The following PRDM10 variants were observed in gnomAD, a reference collection of about 807,000 sequenced individuals.
PRDM10 encodes PR/SET domain 10, also known as PR domain zinc finger protein 10.
PRDM10 carries 65 observed loss-of-function variants against 133.1 expected under a neutral mutation model. That is an observed-to-expected ratio of 0.49 (90% confidence interval 0.40 to 0.60). The LOEUF is 0.60. Among genes scored for constraint, PRDM10 ranks in the 20% least tolerant of loss-of-function variants. The pLI is 0.00. For missense variants in PRDM10, 1,137 were observed against 1,507.1 expected (o/e 0.75, Z 4.07); for synonymous variants, 582 against 580.4 (o/e 1.00, Z -0.04).
chr11:129,927,882 C>G (rs1023931943), intron 11 of PRDM10, among the ~76,000 whole-genome samples: 6 of 151,924 alleles, frequency 3.9e-5, no homozygotes, highest in African/African-American at 1.5e-4. Context: ...TAGAAGAAAT[C>G]ATGACAAATG....
chr11:129,908,414 G>A (rs996438759), intron 19 of PRDM10, among the ~76,000 whole-genome samples: 17 of 100 alleles, frequency 0.17, no homozygotes, highest in African/African-American at 0.36. Context: ...AAAGCTGCAG[G>A]AGCCACGATC....
At chr11:129,922,005 C>T (rs1950535659) in intron 13 of PRDM10, among the ~76,000 whole-genome samples, 1 of 152,174 alleles carries the variant, frequency 6.6e-6, no homozygotes, top group Non-Finnish European at 1.5e-5. Context: ...ATTTGACCAC[C>T]CAGACCAGTA....
chr11:129,970,469 T>A (rs1951995359), intron 1 of PRDM10, among the ~76,000 whole-genome samples: 1 of 151,740 alleles, frequency 6.6e-6, no homozygotes, highest in Non-Finnish European at 1.5e-5. Context: ...TCCCACAAAC[T>A]AAGAACACTG....
At chr11:129,922,074 C>A (rs117883711) in intron 13 of PRDM10, among the ~76,000 whole-genome samples, 2,387 of 152,302 alleles carry the variant, frequency 0.016, 36 homozygotes, top group Non-Finnish European at 0.024. Context: ...ACCCTCACTT[C>A]TCCATCTTCT....
intron 1 of PRDM10, among the ~76,000 whole-genome samples, chr11:129,994,069 T>G (rs1475858840): frequency 4.6e-5 from 7 of 152,194 alleles, no homozygotes; most frequent in African/African-American, 7.2e-5. Context: ...ATATCTGTTA[T>G]AGTTTATAAC....
Position 129,910,745 on chromosome 11 carries a change from C to T in PRDM10, c.2983-89G>A. On this transcript the variant is annotated intron_variant, in intron 18 of 20. Coordinates refer to ENST00000360871, the MANE Select transcript of PRDM10 (RefSeq NM_199437.2). ...ATAACTGAAGGAAGTACACCAGACT[C>T]ATATGAATTATAATACTGAAACTAT... The T allele has an allele frequency of 3.4e-6, 4 of 1,161,206 alleles. No individual in the cohort carries two copies. The South Asian group carries it at 5.3e-5, about 15-fold the overall frequency. The allele number at this position is 1,161,206 out of a possible 1,614,324, so 71.9% of individuals were successfully genotyped here.
intron 1 of PRDM10, among the ~76,000 whole-genome samples, chr11:129,993,592 C>T (rs1052305354): frequency 6.6e-6 from 1 of 152,152 alleles, no homozygotes; most frequent in Admixed American, 6.5e-5. Flanking sequence ...TCACACCATT[C>T]TCCTGCCTCA....
chr11:129,942,056 C>T (rs186070243), intron 7 of PRDM10, among the ~76,000 whole-genome samples: 4 of 152,232 alleles, frequency 2.6e-5, no homozygotes, highest in Non-Finnish European at 4.4e-5. Flanking sequence ...CCACCATGCT[C>T]GGCTAATTTT....
intron 8 of PRDM10, among the ~76,000 whole-genome samples, chr11:129,936,457 T>C (rs1951032975): frequency 6.6e-6 from 1 of 151,958 alleles, no homozygotes; most frequent in South Asian, 2.1e-4. Context: ...ATCGAGACCA[T>C]CCTGGCTAAC....
chr11:129,944,706 ACAAC>A, intron 6 of PRDM10, 61 bp downstream of exon 6: 1 of 1,571,118 alleles, frequency 6.4e-7, no homozygotes, highest in South Asian at 1.1e-5. Context: ...GACTGAGTAG[ACAAC>A]GCAGTGCTCC....
chr11:129,935,242 TA>T, intron 8 of PRDM10, 24 bp from the exon 9 acceptor site: 1 of 1,572,260 alleles, frequency 6.4e-7, no homozygotes, highest in Non-Finnish European at 8.8e-7. Context: ...AGAGAAATCA[TA>T]AAGGCTGATG....
chr11:129,949,314 C>A (rs1161754982), intron 4 of PRDM10, among the ~76,000 whole-genome samples: 2 of 152,110 alleles, frequency 1.3e-5, no homozygotes, highest in African/African-American at 2.4e-5. Context: ...GTAATACATG[C>A]CTCAGGTTGT....
In PRDM10 at chr11:129,985,780, C is replaced by CAAA. The variant is rs1159728991; in HGVS notation, c.-119+16939_-119+16941dup. Among the ~76,000 whole-genome samples the CAAA allele has an allele frequency of 9.3e-4, 25 of 26,746 alleles. 1 individual carries two copies. Among genetic ancestry groups the CAAA allele is most frequent in the African/African-American group, 1.3e-3 (14 of 10,758 alleles). 17.5% of individuals were successfully genotyped at this position (26,746 alleles called of 152,430 possible). A position where few individuals can be genotyped will look rare whatever the true frequency, so the allele number is the denominator to read the frequency against. On this transcript the variant is annotated intron_variant, in intron 1 of 20. Transcript: ENST00000360871. ...CTGGGTGACAAAGACAAACCCTGTC[C>CAAA]AAAAAAAAAAAAAAAAAAAAAAAAA...
intron 1 of PRDM10, among the ~76,000 whole-genome samples, chr11:129,961,680 G>A (rs968347344): frequency 1.3e-5 from 2 of 151,906 alleles, no homozygotes; most frequent in East Asian, 2.0e-4. Context: ...TGGTTAACAC[G>A]GTGAGACCCC....
chr11:129,963,382 G>GAGAAGAGAAGAGA (rs775553291), intron 1 of PRDM10, among the ~76,000 whole-genome samples: 3 of 74,586 alleles, frequency 4.0e-5, no homozygotes, highest in African/African-American at 1.2e-4. Flanking sequence ...AAAGAAAAAA[G>GAGAAGAGAAGAGA]AGAGAAGAGA....
At chr11:129,984,691 T>C (rs960704452) in intron 1 of PRDM10, among the ~76,000 whole-genome samples, 1 of 152,188 alleles carries the variant, frequency 6.6e-6, no homozygotes, top group African/African-American at 2.4e-5. Flanking sequence ...GCCTTCCTGA[T>C]TTTTCTCCCA....
At chr11:129,992,975 C>T (rs893984159) in intron 1 of PRDM10, among the ~76,000 whole-genome samples, 1 of 152,174 alleles carries the variant, frequency 6.6e-6, no homozygotes, top group African/African-American at 2.4e-5. Flanking sequence ...TTCTAGTTCT[C>T]TCAGGCACAT....
intron 7 of PRDM10, among the ~76,000 whole-genome samples, chr11:129,940,812 AC>A (rs1339876133): frequency 6.6e-6 from 1 of 152,110 alleles, no homozygotes; most frequent in Non-Finnish European, 1.5e-5. Flanking sequence ...TGAAAGTTGA[AC>A]CTTTTAATGT....
chr11:129,934,904 T>C (rs1950979333), intron 9 of PRDM10, among the ~76,000 whole-genome samples, 197 bp downstream of exon 9: 1 of 152,224 alleles, frequency 6.6e-6, no homozygotes, highest in Admixed American at 6.5e-5. Flanking sequence ...GGGTATTGGT[T>C]ATGCTGGAAA....
Sources: gnomAD v4.1 joint callset for allele counts (sites outside exome capture counted in the v4.1 genomes callset) on GRCh38, gnomAD v4.1.1 for gene constraint, MANE v1.5 for transcripts, NCBI Gene and HGNC (gene_info 2026-07-23, HGNC 2026-07-21) for gene names.